The following PPM1E variants were observed in gnomAD, a reference collection of about 807,000 sequenced individuals.
The protein encoded by PPM1E is protein phosphatase 1E.
Under a neutral mutation model 65.9 loss-of-function variants are expected in PPM1E, and 20 were observed. The observed-to-expected ratio is 0.30, with a 90% CI of 0.21 to 0.44. The LOEUF is 0.44. Ranked by LOEUF, PPM1E falls within the 20% of genes least tolerant of loss-of-function variation. PPM1E has a pLI of 1.00. For missense variants in PPM1E, 713 were observed against 953.1 expected (o/e 0.75, Z 3.32); for synonymous variants, 352 against 374.9 (o/e 0.94, Z 0.70).
At chr17:58,960,836 G>A (rs1464430397) in intron 2 of PPM1E, among the ~76,000 whole-genome samples, 1 of 150,556 alleles carries the variant, frequency 6.6e-6, no homozygotes, top group Non-Finnish European at 1.5e-5. Context: ...TAAATAACCA[G>A]GAATAAAGTG....
chr17:58,834,740 A>G (rs141532998), intron 1 of PPM1E, among the ~76,000 whole-genome samples: 13 of 152,084 alleles, frequency 8.5e-5, no homozygotes, highest in Non-Finnish European at 1.5e-4. Flanking sequence ...TTTTTGTTCT[A>G]TTGATCTGTG....
intron 1 of PPM1E, among the ~76,000 whole-genome samples, chr17:58,895,253 G>C (rs1244832237): frequency 6.6e-6 from 1 of 151,982 alleles, no homozygotes; most frequent in Admixed American, 6.6e-5. Context: ...CTTTCCTTGG[G>C]TTTCTCTGTT....
chr17:58,768,454 C>T (rs1387584473), intron 1 of PPM1E, among the ~76,000 whole-genome samples: 1 of 152,126 alleles, frequency 6.6e-6, no homozygotes, highest in East Asian at 1.9e-4. Context: ...CTCCAAAGAG[C>T]ATCCGCTTCC....
chr17:58,914,940 G>C (rs749348170), intron 1 of PPM1E, among the ~76,000 whole-genome samples: 2 of 151,992 alleles, frequency 1.3e-5, no homozygotes, highest in Non-Finnish European at 2.9e-5. Context: ...GTGTCCATAT[G>C]GGGGAGAGGA....
At chr17:58,911,853 G>A (rs2051630823) in intron 1 of PPM1E, among the ~76,000 whole-genome samples, 1 of 152,142 alleles carries the variant, frequency 6.6e-6, no homozygotes, top group South Asian at 2.1e-4. Context: ...CTTTTTTTAA[G>A]AGAGTGAGTG....
At chr17:58,943,458 G>A (rs1465042123) in intron 1 of PPM1E, among the ~76,000 whole-genome samples, 2 of 152,102 alleles carry the variant, frequency 1.3e-5, no homozygotes, top group Admixed American at 1.3e-4. Context: ...AGAAAAACTG[G>A]TTTCATTTAA....
In PPM1E at chr17:58,983,706, G is replaced by T. The variant is rs1042576801; in HGVS notation, c.*2675G>T. 4 of 152,574 alleles carry T rather than the reference G, an allele frequency of 2.6e-5. No individual in the cohort carries two copies. Among genetic ancestry groups the T allele is most frequent in the Non-Finnish European group, 5.9e-5 (4 of 68,022 alleles). 9.5% of individuals were successfully genotyped at this position (152,574 alleles called of 1,614,324 possible). ...TGTGTTTTGTATTTTTATTCATTGT[G>T]TAATTTAGTGGTGGTGAAAGTTCTA... On this transcript the variant is annotated 3_prime_UTR_variant, in exon 7 of 7. Transcript: ENST00000308249.
intron 1 of PPM1E, among the ~76,000 whole-genome samples, chr17:58,791,369 A>G (rs1429567834): frequency 6.6e-6 from 1 of 152,220 alleles, no homozygotes; most frequent in Non-Finnish European, 1.5e-5. Flanking sequence ...AGATGGCAAC[A>G]TACAATTGTT....
Position 58,983,530 on chromosome 17 carries a change from A to G in PPM1E, c.*2499A>G, listed in dbSNP as rs1164895040. On this transcript the variant is annotated 3_prime_UTR_variant, in exon 7 of 7. Transcript: ENST00000308249. The stretch of plus-strand genomic sequence containing the variant: ...TATTTGCTGCTTGCTGACGTAAGCA[A>G]TAAGTAACCCTCTAACTAATGGTAT... 1 of 152,654 alleles carries G rather than the reference A, an allele frequency of 6.6e-6. No individual in the cohort carries two copies. Among genetic ancestry groups the G allele is most frequent in the Non-Finnish European group, 1.5e-5 (1 of 68,058 alleles). 9.5% of individuals were successfully genotyped at this position (152,654 alleles called of 1,614,324 possible).
intron 1 of PPM1E, among the ~76,000 whole-genome samples, chr17:58,872,419 G>C (rs143387989): frequency 1.4e-4 from 21 of 152,286 alleles, no homozygotes; most frequent in African/African-American, 5.1e-4. Context: ...GCAAGATTGG[G>C]TGAATGAAAG....
intron 1 of PPM1E, among the ~76,000 whole-genome samples, chr17:58,902,399 G>A (rs2051509357): frequency 6.6e-6 from 1 of 151,988 alleles, no homozygotes; most frequent in African/African-American, 2.4e-5. Context: ...AGCTAAACCA[G>A]CTATGCTGCA....
chr17:58,878,312 G>A (rs1473737003), intron 1 of PPM1E, among the ~76,000 whole-genome samples: 1 of 151,792 alleles, frequency 6.6e-6, no homozygotes, highest in Non-Finnish European at 1.5e-5. Flanking sequence ...GCGCCATCTC[G>A]GTTCACTGCA....
intron 1 of PPM1E, among the ~76,000 whole-genome samples, chr17:58,821,625 T>C (rs912312118): frequency 6.6e-6 from 1 of 152,128 alleles, no homozygotes; most frequent in African/African-American, 2.4e-5. Flanking sequence ...CCCGATATAA[T>C]AGAAAGAATT....
intron 1 of PPM1E, among the ~76,000 whole-genome samples, chr17:58,873,954 A>G (rs2051101762): frequency 6.6e-6 from 1 of 151,988 alleles, no homozygotes; most frequent in Non-Finnish European, 1.5e-5. Context: ...AGCAAAGTCC[A>G]CCCAAATGAG....
chr17:58,882,176 C>CA (rs369009924), intron 1 of PPM1E, among the ~76,000 whole-genome samples: 355 of 150,810 alleles, frequency 2.4e-3, no homozygotes, highest in African/African-American at 3.9e-3. Context: ...AGTCTCAAAG[C>CA]AAAAAAAAGA....
At chr17:58,848,032 A>G (rs1373896355) in intron 1 of PPM1E, among the ~76,000 whole-genome samples, 3 of 152,142 alleles carry the variant, frequency 2.0e-5, no homozygotes, top group African/African-American at 4.8e-5. Flanking sequence ...CTTTGAAGCA[A>G]TCGTGAATGG....
intron 1 of PPM1E, among the ~76,000 whole-genome samples, chr17:58,883,732 G>C (rs975521124): frequency 2.0e-5 from 3 of 151,360 alleles, no homozygotes; most frequent in African/African-American, 4.9e-5. Context: ...TGATCCGCCC[G>C]CCTCGGCCTC....
At chr17:58,921,818 AT>A (rs2051755217) in intron 1 of PPM1E, among the ~76,000 whole-genome samples, 1 of 151,944 alleles carries the variant, frequency 6.6e-6, no homozygotes, top group Non-Finnish European at 1.5e-5. Flanking sequence ...AGGTGGGTGG[AT>A]TGTCTGAGGT....
intron 1 of PPM1E, among the ~76,000 whole-genome samples, chr17:58,802,701 A>G (rs551374933): frequency 6.6e-6 from 1 of 152,160 alleles, no homozygotes; most frequent in East Asian, 1.9e-4. Context: ...TGTGTCTTCA[A>G]TTTTTTAATC....
Sources: allele counts gnomAD v4.1 joint callset (sites outside exome capture counted in the v4.1 genomes callset), GRCh38; gene constraint gnomAD v4.1.1; transcripts MANE v1.5; gene names NCBI Gene and HGNC (gene_info 2026-07-23, HGNC 2026-07-21).